The following SAMTOR variants were observed in gnomAD, a reference collection of about 807,000 sequenced individuals.
SAMTOR encodes S-adenosylmethionine sensor upstream of mTORC1, also known as UPF0532 protein C7orf60.
At chr7:112,856,157 C>T in the SAMTOR span, among the ~76,000 whole-genome samples, 150 of 151,472 alleles carry the variant, frequency 9.9e-4, 5 homozygotes, top group Admixed American at 8.7e-3. Flanking sequence ...TGGACTGTTA[C>T]AAAATGAAGA....
At chr7:112,908,756 A>T in the SAMTOR span, among the ~76,000 whole-genome samples, 1 of 152,186 alleles carries the variant, frequency 6.6e-6, no homozygotes, top group Non-Finnish European at 1.5e-5. Context: ...AACAAATGAA[A>T]ATGGTTACCC....
At chr7:112,882,457 G>A in the SAMTOR span, among the ~76,000 whole-genome samples, 5 of 152,162 alleles carry the variant, frequency 3.3e-5, no homozygotes, top group East Asian at 1.9e-4. Context: ...TTGGGAGGCC[G>A]AGGCAGGAGG....
chr7:112,887,205 T>C, the SAMTOR span, among the ~76,000 whole-genome samples: 5 of 151,080 alleles, frequency 3.3e-5, no homozygotes, highest in African/African-American at 7.3e-5. Flanking sequence ...TATAAGATCA[T>C]ATTATTCGTT....
the SAMTOR span, among the ~76,000 whole-genome samples, chr7:112,851,644 C>A: frequency 0.011 from 1,620 of 152,046 alleles, 29 homozygotes; most frequent in African/African-American, 0.037. Context: ...AGCACGAGAA[C>A]AAAAACAAAC....
chr7:112,885,016 C>T, the SAMTOR span, among the ~76,000 whole-genome samples: 2 of 152,218 alleles, frequency 1.3e-5, no homozygotes, highest in Non-Finnish European at 2.9e-5. Context: ...TTTGTATGCA[C>T]CCACAGGCTC....
At chr7:112,901,911 G>A in the SAMTOR span, among the ~76,000 whole-genome samples, 2 of 152,180 alleles carry the variant, frequency 1.3e-5, no homozygotes, top group African/African-American at 4.8e-5. Context: ...ATAGGTGGAT[G>A]GATAAACTGT....
At chr7:112,852,543 C>T in the SAMTOR span, among the ~76,000 whole-genome samples, 107 of 152,022 alleles carry the variant, frequency 7.0e-4, no homozygotes, top group African/African-American at 2.4e-3. Context: ...GACATCACTA[C>T]GCAATGTATC....
the SAMTOR span, among the ~76,000 whole-genome samples, chr7:112,923,157 C>T: frequency 5.3e-5 from 8 of 151,262 alleles, no homozygotes; most frequent in African/African-American, 7.3e-5. Context: ...GCCTTGGGAT[C>T]CTGTTGATCT....
chr7:112,915,486 A>G, the SAMTOR span: 2 of 1,494,028 alleles, frequency 1.3e-6, no homozygotes, highest in East Asian at 4.9e-5. Flanking sequence ...TTTACACTGA[A>G]ACATGTCAGA....
At chr7:112,834,067 T>G in the SAMTOR span, among the ~76,000 whole-genome samples, 1 of 152,242 alleles carries the variant, frequency 6.6e-6, no homozygotes, top group Non-Finnish European at 1.5e-5. Context: ...TTTTGTAACT[T>G]GCTGCTTTCA....
the SAMTOR span, among the ~76,000 whole-genome samples, chr7:112,831,603 G>C: frequency 6.6e-6 from 1 of 152,074 alleles, no homozygotes; most frequent in Non-Finnish European, 1.5e-5. Flanking sequence ...TGCAGTGAGT[G>C]ATCATGCCAC....
the SAMTOR span, among the ~76,000 whole-genome samples, chr7:112,893,341 T>C: frequency 6.6e-6 from 1 of 152,278 alleles, no homozygotes; most frequent in African/African-American, 2.4e-5. Context: ...GATAACCTGC[T>C]GCAGCTTCTA....
At chr7:112,914,465 C>T in the SAMTOR span, among the ~76,000 whole-genome samples, 1 of 151,750 alleles carries the variant, frequency 6.6e-6, no homozygotes, top group Admixed American at 6.6e-5. Context: ...TATAATTTTA[C>T]CACATTAAGA....
At chr7:112,868,926 C>CT in the SAMTOR span, among the ~76,000 whole-genome samples, 1 of 152,210 alleles carries the variant, frequency 6.6e-6, no homozygotes, top group Non-Finnish European at 1.5e-5. Context: ...GCATGGGTCA[C>CT]TGCTGGGTGT....
At chr7:112,835,853 T>C in the SAMTOR span, among the ~76,000 whole-genome samples, 3 of 152,136 alleles carry the variant, frequency 2.0e-5, no homozygotes, top group African/African-American at 7.2e-5. Context: ...CTATGGTGTA[T>C]ATGTACCATG....
chr7:112,912,392 A>G, the SAMTOR span, among the ~76,000 whole-genome samples: 3,431 of 152,032 alleles, frequency 0.023, 66 homozygotes, highest in Admixed American at 0.042. Flanking sequence ...AAATTTTATT[A>G]TTCTGTCCTT....
At chr7:112,878,567 A>G in the SAMTOR span, among the ~76,000 whole-genome samples, 1 of 152,128 alleles carries the variant, frequency 6.6e-6, no homozygotes, top group African/African-American at 2.4e-5. Context: ...ATTTGACACT[A>G]TATCTAAGGA....
chr7:112,854,714 T>C, the SAMTOR span, among the ~76,000 whole-genome samples: 4 of 152,148 alleles, frequency 2.6e-5, no homozygotes, highest in Non-Finnish European at 5.9e-5. Context: ...GCTGACAAAC[T>C]CCCTTTTCAA....
At chr7:112,841,273 C>T in the SAMTOR span, among the ~76,000 whole-genome samples, 2 of 152,188 alleles carry the variant, frequency 1.3e-5, no homozygotes, top group East Asian at 1.9e-4. Context: ...CACAAGCATT[C>T]GTATACACCA....
Sources: allele counts gnomAD v4.1 joint callset (sites outside exome capture counted in the v4.1 genomes callset), GRCh38; gene constraint gnomAD v4.1.1; transcripts MANE v1.5; gene names NCBI Gene and HGNC (gene_info 2026-07-23, HGNC 2026-07-21).